Variants in FHIP1A observed in about 807,000 individuals in gnomAD.
The protein encoded by FHIP1A is FHF complex subunit HOOK-interacting protein 1A.
In FHIP1A, 61 loss-of-function variants were observed where a neutral mutation model predicts 88.6. That is an observed-to-expected ratio of 0.69 (90% confidence interval 0.56 to 0.85). The LOEUF (loss-of-function observed/expected upper bound fraction) is 0.85, where lower values mean the gene tolerates loss of function less well. FHIP1A is among the 40% of genes least tolerant of loss of function. The pLI is 0.00. For synonymous variants in FHIP1A, 478 were observed against 496.0 expected, an observed-to-expected ratio of 0.96 and a Z score of 0.48; for missense variants, 1,154 against 1,273.5, an observed-to-expected ratio of 0.91 and a Z score of 1.43.
intron 11 of FHIP1A, 108 bp downstream of exon 11, chr4:151,650,700 C>T: frequency 7.4e-7 from 1 of 1,356,416 alleles, no homozygotes. Context: ...GTTTGTCTAA[C>T]AGAGGGCTGC....
At chr4:151,594,255 T>G (rs1734560454) in intron 7 of FHIP1A, among the ~76,000 whole-genome samples, 1 of 152,230 alleles carries the variant, frequency 6.6e-6, no homozygotes, top group South Asian at 2.1e-4. Context: ...GCTGGCTTCA[T>G]AAAATGAGTT....
chr4:151,622,705 A>G (rs72730104), intron 7 of FHIP1A, among the ~76,000 whole-genome samples: 43,331 of 151,986 alleles, frequency 0.29, 6,413 homozygotes, highest in Non-Finnish European at 0.33. Flanking sequence ...GAATCAAAAA[A>G]GGACTCTGTG....
chr4:151,598,090 A>G (rs1734719721), intron 7 of FHIP1A, among the ~76,000 whole-genome samples: 1 of 151,814 alleles, frequency 6.6e-6, no homozygotes, highest in South Asian at 2.1e-4. Flanking sequence ...AAAAAAAAAC[A>G]GCTCTTGCAG....
chr4:151,586,487 G>A (rs1005638716), intron 5 of FHIP1A, among the ~76,000 whole-genome samples, 154 bp from the exon 6 acceptor site: 2 of 152,088 alleles, frequency 1.3e-5, no homozygotes, highest in Admixed American at 6.5e-5. Flanking sequence ...TGTTTGCATC[G>A]TTTTTAGCTG....
At chr4:151,480,292 C>G (rs1443247657) in intron 2 of FHIP1A, among the ~76,000 whole-genome samples, 1 of 151,918 alleles carries the variant, frequency 6.6e-6, no homozygotes, top group Non-Finnish European at 1.5e-5. Context: ...CCCAGCAATG[C>G]CTTATTACCT....
At chr4:151,455,699 A>C (rs890583796) in intron 2 of FHIP1A, among the ~76,000 whole-genome samples, 6 of 152,210 alleles carry the variant, frequency 3.9e-5, no homozygotes, top group African/African-American at 9.7e-5. Context: ...CAGTGGGACC[A>C]CATTTCAGTC....
intron 2 of FHIP1A, among the ~76,000 whole-genome samples, chr4:151,461,594 C>G (rs892776910): frequency 6.6e-6 from 1 of 151,830 alleles, no homozygotes; most frequent in African/African-American, 2.4e-5. Context: ...GCTAGGTACC[C>G]CATGGATATG....
chr4:151,653,642 T>C (rs943506527), intron 11 of FHIP1A, among the ~76,000 whole-genome samples: 9 of 152,290 alleles, frequency 5.9e-5, no homozygotes, highest in Admixed American at 5.2e-4. Flanking sequence ...ATTAAATCTC[T>C]ATTAACATAG....
intron 3 of FHIP1A, among the ~76,000 whole-genome samples, chr4:151,527,523 G>T (rs1210917997): frequency 6.6e-6 from 1 of 152,028 alleles, no homozygotes; most frequent in Admixed American, 6.6e-5. Flanking sequence ...TTAAAGAGAG[G>T]GAGAGGGAGA....
chr4:151,583,537 ATG>A (rs1165770567), intron 5 of FHIP1A, among the ~76,000 whole-genome samples: 4 of 152,240 alleles, frequency 2.6e-5, no homozygotes. Flanking sequence ...TCACTGATGT[ATG>A]TAATTTGAAA....
Position 151,669,384 on chromosome 4 carries a change from A to C in FHIP1A, c.*6630A>C, listed in dbSNP as rs1358108837. Among the ~76,000 whole-genome samples, 2 of 152,226 alleles carry C rather than the reference A, an allele frequency of 1.3e-5. No individual in the cohort carries two copies. The highest frequency in any genetic ancestry group is 1.5e-5 in the Non-Finnish European group (1 of 68,042). ...TTGCACTTGACATAATAGTTTTGGT[A>C]AATGTCTTTTTCTGGCTGCACCCCC... On this transcript the variant is annotated 3_prime_UTR_variant, in exon 14 of 14. Transcript: ENST00000435205.
In FHIP1A at chr4:151,577,788, C is replaced by T. The variant is rs746193101; in HGVS notation, c.444C>T (p.Ser148=). Residue 148 remains serine, a synonymous_variant, in exon 5 of 14, where the codon AGC becomes AGT. Transcript: ENST00000435205. ...TGAAGCCTCTGATGATGTTGCTGAG[C>T]TCTTGTTCAGGAACAACCACCCCCA... ...PILKPLMMLL[S]SCSGTTTPTV... 1 of 1,552,054 alleles carries T rather than the reference C, an allele frequency of 6.4e-7. No homozygotes were observed. The highest frequency in any genetic ancestry group is 8.7e-7 in the Non-Finnish European group (1 of 1,147,076).
chr4:151,446,678 C>T (rs187077512), intron 1 of FHIP1A, among the ~76,000 whole-genome samples: 114 of 148,126 alleles, frequency 7.7e-4, no homozygotes, highest in African/African-American at 2.5e-3. Context: ...CCTTCACCTT[C>T]CTAATCTATT....
intron 3 of FHIP1A, among the ~76,000 whole-genome samples, chr4:151,562,817 T>C (rs1051177330): frequency 1.2e-4 from 18 of 152,144 alleles, no homozygotes; most frequent in Non-Finnish European, 7.4e-5. Flanking sequence ...TAGTCTGAAG[T>C]TGGGTAAGAT....
At chr4:151,635,111 A>G (rs975905942) in intron 8 of FHIP1A, among the ~76,000 whole-genome samples, 13 of 151,892 alleles carry the variant, frequency 8.6e-5, no homozygotes, top group Admixed American at 3.3e-4. Flanking sequence ...TATGAAGAAG[A>G]CTTACAAAGG....
At position 151,662,904 on chromosome 4, in the gene FHIP1A, C is replaced by CCT. The variant is rs947185634; in HGVS notation, c.*161_*162dup. Reference sequence around the variant, plus strand: ...GGGGAGGGGAATTTTCTGTATCTTTCCTCTCTCTCTCTAGCCGGGCCTTTC... The same window carrying CCT: ...GGGGAGGGGAATTTTCTGTATCTTTCCTCTCTCTCTCTCTAGCCGGGCCTTTC... On this transcript the variant is annotated 3_prime_UTR_variant, in exon 14 of 14. Coordinates refer to ENST00000435205, the MANE Select transcript of FHIP1A (RefSeq NM_001109977.3). The CCT allele has an allele frequency of 1.6e-5, 12 of 734,734 alleles. No individual in the cohort carries two copies. The highest frequency in any genetic ancestry group is 7.3e-5 in the African/African-American group (4 of 54,750). The allele number at this position is 734,734 out of a possible 1,614,324, so 45.5% of individuals were successfully genotyped here.
chr4:151,524,351 C>A (rs1329933828), intron 3 of FHIP1A, among the ~76,000 whole-genome samples: 1 of 151,950 alleles, frequency 6.6e-6, no homozygotes, highest in Non-Finnish European at 1.5e-5. Context: ...TCCTTGCCAT[C>A]CCTCTTAGAT....
chr4:151,461,939 G>A (rs1729155303), intron 2 of FHIP1A, among the ~76,000 whole-genome samples: 1 of 152,272 alleles, frequency 6.6e-6, no homozygotes, highest in South Asian at 2.1e-4. Context: ...GAGGTGGGAG[G>A]ATTGTTTGAG....
At chr4:151,591,986 A>G (rs925932314) in intron 7 of FHIP1A, among the ~76,000 whole-genome samples, 2 of 152,218 alleles carry the variant, frequency 1.3e-5, no homozygotes, top group African/African-American at 4.8e-5. Context: ...ATACCCAGTA[A>G]TGGGATTGCT....
Sources: allele counts gnomAD v4.1 joint callset (sites outside exome capture counted in the v4.1 genomes callset), GRCh38; gene constraint gnomAD v4.1.1; transcripts MANE v1.5; gene names NCBI Gene and HGNC (gene_info 2026-07-23, HGNC 2026-07-21).